The following LARP1B variants were observed in gnomAD, a reference collection of about 807,000 sequenced individuals.
LARP1B encodes La ribonucleoprotein 1B.
Under a neutral mutation model 114.2 loss-of-function variants are expected in LARP1B, and 76 were observed. The ratio of observed to expected loss-of-function variants is 0.67; its 90% CI spans 0.55 to 0.81. The LOEUF (loss-of-function observed/expected upper bound fraction) is 0.81, where lower values mean the gene tolerates loss of function less well. Ranked by LOEUF, LARP1B falls within the 30% of genes least tolerant of loss-of-function variation. LARP1B has a pLI of 0.00. For synonymous variants in LARP1B, 345 were observed against 348.0 expected, an observed-to-expected ratio of 0.99 and a Z score of 0.10; for missense variants, 1,014 against 1,075.8, an observed-to-expected ratio of 0.94 and a Z score of 0.80.
chr4:128,146,535 A>G (rs1331436005), intron 11 of LARP1B, among the ~76,000 whole-genome samples: 2 of 152,204 alleles, frequency 1.3e-5, no homozygotes, highest in African/African-American at 4.8e-5. Context: ...AACAGGGGAA[A>G]TGAAATATAT....
chr4:128,127,690 G>A (rs188241568), intron 11 of LARP1B, among the ~76,000 whole-genome samples: 48 of 152,214 alleles, frequency 3.2e-4, no homozygotes, highest in Middle Eastern at 3.4e-3. Context: ...AAAATTAGCC[G>A]GGCATGGTGG....
intron 12 of LARP1B, among the ~76,000 whole-genome samples, chr4:128,171,564 A>G (rs1187946605): frequency 6.6e-6 from 1 of 152,152 alleles, no homozygotes; most frequent in African/African-American, 2.4e-5. Context: ...AGAATAGTCT[A>G]TTATATTTAT....
chr4:128,162,043 T>G (rs1361799900), intron 11 of LARP1B, 151 bp from the exon 12 acceptor site: 2 of 562,964 alleles, frequency 3.6e-6, no homozygotes, highest in Non-Finnish European at 6.2e-6. Flanking sequence ...TTATTAAGTA[T>G]AATGCTAGAC....
rs1260586969 is a variant in LARP1B at position 128,209,926 on chromosome 4, G to T, written c.2618G>T (p.Arg873Ile). Residue 873 changes from arginine (R) to isoleucine (I), a missense_variant, in exon 20 of 20, where the codon AGA becomes ATA. Coordinates refer to ENST00000326639, the MANE Select transcript of LARP1B (RefSeq NM_018078.4). ...STSGEESNRH[R>I]LPPNSSTKPP... ...TCTGGTGAGGAGAGTAATCGTCATA[G>T]ACTTCCACCTAATTCCTCTACAAAG... 1 of 1,613,884 alleles carries T rather than the reference G, an allele frequency of 6.2e-7. No homozygotes were observed.
intron 11 of LARP1B, among the ~76,000 whole-genome samples, chr4:128,124,965 AAG>A (rs764845284): frequency 3.9e-5 from 6 of 152,172 alleles, no homozygotes; most frequent in Non-Finnish European, 7.3e-5. Flanking sequence ...CCTCTGCAAA[AAG>A]AGTTTTGGTG....
intron 15 of LARP1B, among the ~76,000 whole-genome samples, chr4:128,184,828 A>T (rs1749758059): frequency 6.6e-6 from 1 of 152,182 alleles, no homozygotes; most frequent in South Asian, 2.1e-4. Context: ...TATTAGTGAG[A>T]ACATGTGGTA....
chr4:128,061,045 G>A (rs1051283625), upstream of LARP1B, among the ~76,000 whole-genome samples: 1 of 152,040 alleles, frequency 6.6e-6, no homozygotes, highest in African/African-American at 2.4e-5. Context: ...CAGAGGCCTG[G>A]TGCGCGCTCC....
At chr4:128,165,721 C>A (rs1169016750) in intron 12 of LARP1B, among the ~76,000 whole-genome samples, 1 of 152,092 alleles carries the variant, frequency 6.6e-6, no homozygotes, top group East Asian at 1.9e-4. Context: ...CAGAAATCTC[C>A]ATATATAAGA....
chr4:128,068,939 A>C (rs1764122613), intron 1 of LARP1B: 2 of 546,924 alleles, frequency 3.7e-6, no homozygotes, highest in South Asian at 5.0e-5. Context: ...GTTTTAACAG[A>C]TAAATAATAC....
intron 5 of LARP1B, among the ~76,000 whole-genome samples, chr4:128,087,004 C>T (rs1018958616): frequency 6.6e-6 from 1 of 152,110 alleles, no homozygotes; most frequent in African/African-American, 2.4e-5. Flanking sequence ...GACAGAGTCT[C>T]GCACTATTGC....
At chr4:128,115,074 A>T (rs1035299206) in intron 10 of LARP1B, among the ~76,000 whole-genome samples, 1 of 151,686 alleles carries the variant, frequency 6.6e-6, no homozygotes, top group African/African-American at 2.4e-5. Flanking sequence ...AGTAGCTGGG[A>T]TTATAGGCGC....
intron 11 of LARP1B, among the ~76,000 whole-genome samples, chr4:128,157,432 A>G (rs1159395711): frequency 2.6e-5 from 4 of 152,210 alleles, no homozygotes; most frequent in Admixed American, 2.6e-4. Flanking sequence ...AAGCGTAAGT[A>G]ATATTTGAAG....
chr4:128,155,858 A>G (rs1735353915), intron 11 of LARP1B: 1 of 1,566,688 alleles, frequency 6.4e-7, no homozygotes, highest in African/African-American at 1.3e-5. Context: ...CTGCAGAAGC[A>G]GAAGGAGCGC....
intron 11 of LARP1B, chr4:128,122,982 G>T (rs1376126634): frequency 3.1e-6 from 3 of 983,452 alleles, no homozygotes; most frequent in South Asian, 4.7e-5. Flanking sequence ...TCAGTAGAGG[G>T]TATAATAAGG....
chr4:128,097,612 CA>C (rs1778553328), intron 7 of LARP1B, among the ~76,000 whole-genome samples: 1 of 152,136 alleles, frequency 6.6e-6, no homozygotes. Context: ...TGGCCATGTT[CA>C]CTGAGTTTTT....
intron 5 of LARP1B, among the ~76,000 whole-genome samples, chr4:128,088,918 G>A (rs1291773286): frequency 6.6e-6 from 1 of 151,952 alleles, no homozygotes; most frequent in Admixed American, 6.6e-5. Context: ...GAGCTCAGGA[G>A]TTTGAGACCA....
intron 9 of LARP1B, among the ~76,000 whole-genome samples, chr4:128,109,156 T>C (rs1318605708): frequency 1.3e-5 from 2 of 152,130 alleles, no homozygotes; most frequent in African/African-American, 4.8e-5. Flanking sequence ...CCTTAATAAT[T>C]TCCTAGTGAT....
chr4:128,214,783 G>C (rs1759414571), downstream of LARP1B, among the ~76,000 whole-genome samples: 2 of 42,610 alleles, frequency 4.7e-5, no homozygotes, highest in African/African-American at 1.9e-4. Context: ...ACGGAACAAA[G>C]CTGGATGGAG....
chr4:128,179,528 A>G lies in LARP1B; in HGVS notation c.2003+16A>G, dbSNP rs375961680. ...CCTCTGTCAGGTACTATATTTCTCA[A>G]ACATTACTTTTTTGTTCGTGATTTG... On this transcript the variant is annotated intron_variant, in intron 15 of 19. Coordinates refer to ENST00000326639, the MANE Select transcript of LARP1B (RefSeq NM_018078.4). 412 of 1,488,986 alleles carry G rather than the reference A, an allele frequency of 2.8e-4. 3 individuals carry two copies. The South Asian group carries it at 3.2e-3, about 11-fold the overall frequency. The allele number at this position is 1,488,986 out of a possible 1,614,324, so 92.2% of individuals were successfully genotyped here. A position where few individuals can be genotyped will look rare whatever the true frequency, so the allele number is the denominator to read the frequency against.
Sources: gnomAD v4.1 joint callset for allele counts (sites outside exome capture counted in the v4.1 genomes callset) on GRCh38, gnomAD v4.1.1 for gene constraint, MANE v1.5 for transcripts, NCBI Gene and HGNC (gene_info 2026-07-23, HGNC 2026-07-21) for gene names.